The following SPOCK1 variants were observed in gnomAD, a reference collection of about 807,000 sequenced individuals.
SPOCK1 encodes the protein testican-1.
SPOCK1 carries 23 observed loss-of-function variants against 55.3 expected under a neutral mutation model. The observed-to-expected ratio is 0.42, with a 90% CI of 0.30 to 0.59. The LOEUF is 0.59. SPOCK1 is among the 20% of genes least tolerant of loss of function. The pLI, the probability that SPOCK1 is intolerant of heterozygous loss-of-function variation, is 0.22. For missense variants in SPOCK1, 499 were observed against 552.5 expected (o/e 0.90, Z 0.97); for synonymous variants, 226 against 221.0 (o/e 1.02, Z -0.20).
intron 2 of SPOCK1, among the ~76,000 whole-genome samples, chr5:137,442,080 C>T (rs530740572): frequency 6.6e-6 from 1 of 152,352 alleles, no homozygotes; most frequent in African/African-American, 2.4e-5. Flanking sequence ...TGTTCACTTA[C>T]TGATGACATT....
intron 6 of SPOCK1, among the ~76,000 whole-genome samples, chr5:137,038,168 G>A (rs1319211307): frequency 6.6e-6 from 1 of 152,188 alleles, no homozygotes; most frequent in Non-Finnish European, 1.5e-5. Flanking sequence ...GGGCAAGACA[G>A]TTTAAGAAGC....
chr5:137,453,467 T>C (rs1312139151), intron 2 of SPOCK1, among the ~76,000 whole-genome samples: 2 of 152,132 alleles, frequency 1.3e-5, no homozygotes, highest in African/African-American at 4.8e-5. Context: ...CCAAGAAAAC[T>C]TGGGCCCAAA....
chr5:137,100,515 G>A (rs1158372790), intron 5 of SPOCK1, among the ~76,000 whole-genome samples: 1 of 152,168 alleles, frequency 6.6e-6, no homozygotes. Context: ...TCATCTTTTG[G>A]CCTCTCCACT....
chr5:137,293,939 C>A (rs994648209), intron 2 of SPOCK1, among the ~76,000 whole-genome samples: 6 of 152,140 alleles, frequency 3.9e-5, no homozygotes, highest in African/African-American at 1.4e-4. Context: ...ATGGCATGAA[C>A]CCGGGAGGCG....
intron 6 of SPOCK1, among the ~76,000 whole-genome samples, chr5:137,015,663 G>C (rs1418169555): frequency 6.6e-6 from 1 of 152,206 alleles, no homozygotes; most frequent in African/African-American, 2.4e-5. Flanking sequence ...GGGTCTGTTT[G>C]TGTGCACACA....
intron 6 of SPOCK1, among the ~76,000 whole-genome samples, chr5:137,065,601 C>T (rs1040345839): frequency 3.3e-5 from 5 of 152,130 alleles, no homozygotes; most frequent in African/African-American, 9.7e-5. Context: ...TTATATTGGA[C>T]TAAAGGAACT....
intron 3 of SPOCK1, among the ~76,000 whole-genome samples, chr5:137,193,309 T>G (rs935856196): frequency 6.6e-6 from 1 of 152,122 alleles, no homozygotes; most frequent in African/African-American, 2.4e-5. Flanking sequence ...ACCTGGGATA[T>G]GCCTGGGAGG....
At position 137,440,600 on chromosome 5, in the gene SPOCK1, A is replaced by G. The variant is rs893454789; in HGVS notation, c.186+57773T>C. Among the ~76,000 whole-genome samples, 4 of 152,244 alleles carry G rather than the reference A, an allele frequency of 2.6e-5. No homozygotes were observed. The East Asian group carries it at 7.7e-4, about 29-fold the overall frequency. On this transcript the variant is annotated intron_variant, in intron 2 of 10. Transcript: ENST00000394945. ...CAGTGGGTATAACTGTACCTTTGCT[A>G]CGAGCAATCATCTTACAGAACTCAG...
rs141023183 is a variant in SPOCK1, at chr5:137,202,326, T to G, written c.233-61632A>C. Among the ~76,000 whole-genome samples the G allele has an allele frequency of 3.5e-4, 53 of 152,336 alleles. No homozygotes were observed. The East Asian group carries it at 9.3e-3, about 27-fold the overall frequency. On this transcript the variant is annotated intron_variant, in intron 3 of 10. Coordinates refer to ENST00000394945, the MANE Select transcript of SPOCK1 (RefSeq NM_004598.4). ...TCAAAATCTGGACAAAACACTTGCT[T>G]GTGAATATACTGCTAATACACAATT... is the stretch of plus-strand genomic sequence containing the variant.
intron 2 of SPOCK1, among the ~76,000 whole-genome samples, chr5:137,268,391 T>G (rs1756897689): frequency 6.6e-6 from 1 of 152,242 alleles, no homozygotes; most frequent in Non-Finnish European, 1.5e-5. Flanking sequence ...ATAGAATAAC[T>G]GGCCTTCTCA....
At chr5:137,246,819 C>G (rs1213956990) in intron 3 of SPOCK1, among the ~76,000 whole-genome samples, 1 of 149,198 alleles carries the variant, frequency 6.7e-6, no homozygotes, top group East Asian at 2.1e-4. Flanking sequence ...CCAAAACAAG[C>G]TGAAAATCAC....
chr5:137,435,215 G>C (rs1252476378), intron 2 of SPOCK1, among the ~76,000 whole-genome samples: 2 of 152,108 alleles, frequency 1.3e-5, no homozygotes, highest in Non-Finnish European at 2.9e-5. Flanking sequence ...TCAATAAACT[G>C]ACTTACATTC....
intron 5 of SPOCK1, among the ~76,000 whole-genome samples, chr5:137,080,416 A>G (rs1285690712): frequency 1.3e-5 from 2 of 152,208 alleles, no homozygotes; most frequent in East Asian, 3.9e-4. Flanking sequence ...CTTCTCTGTC[A>G]GTTCATGGTA....
chr5:137,258,489 T>C (rs536899034), intron 3 of SPOCK1, among the ~76,000 whole-genome samples: 6 of 152,256 alleles, frequency 3.9e-5, no homozygotes, highest in African/African-American at 1.4e-4. Context: ...GAAAATGCAA[T>C]AATCCATTCT....
rs760971356 is a variant in SPOCK1 at position 137,479,089 on chromosome 5, G to A, written c.186+19284C>T. Among the ~76,000 whole-genome samples the A allele has an allele frequency of 5.3e-5, 8 of 151,512 alleles. No individual in the cohort carries two copies. In the South Asian group the frequency reaches 8.4e-4, roughly 16 times the overall value. ...CGAGGTGTGTTCCCATTCAAGTGCC[G>A]TGTAAGGGTATACTAGATAGGAGAA... On this transcript the variant is annotated intron_variant, in intron 2 of 10. Coordinates refer to ENST00000394945, the MANE Select transcript of SPOCK1 (RefSeq NM_004598.4).
At chr5:136,986,694 CA>C (rs972968605) in intron 8 of SPOCK1, among the ~76,000 whole-genome samples, 1 of 151,486 alleles carries the variant, frequency 6.6e-6, no homozygotes, top group Non-Finnish European at 1.5e-5. Context: ...GAATATAGTG[CA>C]AAAAAACACC....
intron 2 of SPOCK1, among the ~76,000 whole-genome samples, chr5:137,273,623 A>C (rs1188420499): frequency 2.0e-5 from 3 of 152,224 alleles, no homozygotes; most frequent in Non-Finnish European, 4.4e-5. Context: ...AAGTGGGATG[A>C]AATCTGAGTG....
chr5:137,317,457 T>C (rs919711937), intron 2 of SPOCK1, among the ~76,000 whole-genome samples: 1 of 152,178 alleles, frequency 6.6e-6, no homozygotes, highest in Non-Finnish European at 1.5e-5. Context: ...GACATGGGCT[T>C]CAGCAGATCA....
chr5:137,121,646 C>T (rs900458486), intron 4 of SPOCK1, among the ~76,000 whole-genome samples: 2 of 145,250 alleles, frequency 1.4e-5, no homozygotes, highest in Non-Finnish European at 3.0e-5. Flanking sequence ...CATATAGTGA[C>T]ATTAATTATA....
Sources: allele counts gnomAD v4.1 joint callset (sites outside exome capture counted in the v4.1 genomes callset), GRCh38; gene constraint gnomAD v4.1.1; transcripts MANE v1.5; gene names NCBI Gene and HGNC (gene_info 2026-07-23, HGNC 2026-07-21).